PIBF1: variants seen among roughly 807,000 people sequenced by gnomAD.
PIBF1 encodes the protein progesterone immunomodulatory binding factor 1.
A neutral mutation model predicts 112.5 loss-of-function variants in PIBF1; 90 were observed. The ratio of observed to expected loss-of-function variants is 0.80; its 90% CI spans 0.67 to 0.95. The LOEUF (loss-of-function observed/expected upper bound fraction) is 0.95. Ranked by LOEUF, PIBF1 falls within the 40% of genes least tolerant of loss-of-function variation. The probability of loss-of-function intolerance (pLI) is 0.00; values close to 1 mark genes in which losing one functional copy is unlikely to be tolerated. For missense variants in PIBF1, 915 were observed against 852.3 expected (o/e 1.07, Z -0.92); for synonymous variants, 301 against 288.6 (o/e 1.04, Z -0.44).
rs2038677867 is a variant in PIBF1 at position 72,861,106 on chromosome 13, AC to A, written c.1322+6952del. On this transcript the variant is annotated intron_variant, in intron 10 of 17. Transcript: ENST00000326291. ...AATTCAAAATTAATTTTAATAGTGA[AC>A]TTTTTTCAGTTATGGTTTGTTTTAT... Among the ~76,000 whole-genome samples the A allele has an allele frequency of 2.6e-5, 4 of 152,194 alleles. No individual in the cohort carries two copies. The South Asian group carries it at 8.3e-4, about 32-fold the overall frequency.
chr13:72,971,644 T>C (rs559878966), intron 15 of PIBF1, among the ~76,000 whole-genome samples: 23 of 152,366 alleles, frequency 1.5e-4, no homozygotes, highest in African/African-American at 5.3e-4. Context: ...TATATAGTTT[T>C]ATGAGTTCAA....
At chr13:72,928,028 T>TAC (rs1381615718) in intron 13 of PIBF1, among the ~76,000 whole-genome samples, 52 of 58,854 alleles carry the variant, frequency 8.8e-4, no homozygotes, top group African/African-American at 2.6e-3. Context: ...TATATATACA[T>TAC]ATATATATAT....
chr13:72,783,292 CTGTTCTAGATTT>C, intron 1 of PIBF1, 119 bp from the exon 2 acceptor site: 1 of 500,760 alleles, frequency 2.0e-6, no homozygotes, highest in Non-Finnish European at 3.6e-6. Flanking sequence ...CTGCAATAAT[CTGTTCTAGATTT>C]GGGATGCACT....
Position 72,848,616 on chromosome 13 carries a change from C to T in PIBF1, c.1224-5441C>T, listed in dbSNP as rs1037197606. ...GTCCCAGCACTTTGGGAGGCCGAGGCGGGCGGATCACGAGGTCAGGAGATC... is the reference window on the plus strand; with the variant it reads ...GTCCCAGCACTTTGGGAGGCCGAGGTGGGCGGATCACGAGGTCAGGAGATC... On this transcript the variant is annotated intron_variant, in intron 9 of 17. Transcript: ENST00000326291. Among the ~76,000 whole-genome samples, 7 of 152,210 alleles carry T rather than the reference C, an allele frequency of 4.6e-5. 1 individual carries two copies. The South Asian group carries it at 6.2e-4, about 14-fold the overall frequency.
At chr13:73,013,185 C>T (rs2044260889) in intron 17 of PIBF1, among the ~76,000 whole-genome samples, 1 of 151,094 alleles carries the variant, frequency 6.6e-6, no homozygotes, top group Non-Finnish European at 1.5e-5. Context: ...CCTGTAGTCC[C>T]AGCTACTCGG....
At chr13:72,896,297 T>A (rs1370398022) in intron 11 of PIBF1, among the ~76,000 whole-genome samples, 1 of 152,118 alleles carries the variant, frequency 6.6e-6, no homozygotes, top group Admixed American at 6.6e-5. Context: ...CAAAAGAACC[T>A]GAACAACAGC....
intron 14 of PIBF1, among the ~76,000 whole-genome samples, chr13:72,949,632 T>C (rs1379985137): frequency 6.6e-6 from 1 of 152,236 alleles, no homozygotes; most frequent in East Asian, 1.9e-4. Context: ...ATAGCTTTCA[T>C]ACTTTTTTGA....
intron 17 of PIBF1, among the ~76,000 whole-genome samples, chr13:73,005,652 G>C (rs2044010816): frequency 6.6e-6 from 1 of 152,052 alleles, no homozygotes; most frequent in African/African-American, 2.4e-5. Context: ...AATATAATGA[G>C]TACAATTGGT....
At chr13:72,933,622 A>G (rs895228154) in intron 14 of PIBF1, among the ~76,000 whole-genome samples, 5 of 152,244 alleles carry the variant, frequency 3.3e-5, no homozygotes, top group African/African-American at 1.2e-4. Context: ...AGATCGTGCC[A>G]TCGTACTCCA....
At chr13:72,989,378 A>T (rs912557389) in intron 16 of PIBF1, among the ~76,000 whole-genome samples, 10 of 150,494 alleles carry the variant, frequency 6.6e-5, no homozygotes, top group Admixed American at 4.8e-4. Flanking sequence ...ATATCCATGC[A>T]GTGGAATATG....
chr13:72,931,938 C>CTTTTTTTTTTTTTTTTTTTTTTT (rs59274277), intron 14 of PIBF1, among the ~76,000 whole-genome samples: 1 of 100,836 alleles, frequency 9.9e-6, no homozygotes, highest in Non-Finnish European at 1.9e-5. Flanking sequence ...TTGTTTCTTT[C>CTTTTTTTTTTTTTTTTTTTTTTT]TTTTTTTTTT....
chr13:72,910,339 G>C (rs771521675), intron 12 of PIBF1, among the ~76,000 whole-genome samples: 4 of 152,012 alleles, frequency 2.6e-5, no homozygotes, highest in Non-Finnish European at 2.9e-5. Flanking sequence ...ATGACTTCAT[G>C]ATTAGACTCA....
intron 8 of PIBF1, among the ~76,000 whole-genome samples, chr13:72,834,941 G>T (rs2037289255): frequency 6.6e-6 from 1 of 152,044 alleles, no homozygotes; most frequent in African/African-American, 2.4e-5. Context: ...TCAACCATAT[G>T]CATTAAAACT....
intron 9 of PIBF1, among the ~76,000 whole-genome samples, chr13:72,845,594 G>A (rs2037834046): frequency 6.6e-6 from 1 of 152,126 alleles, no homozygotes; most frequent in Non-Finnish European, 1.5e-5. Context: ...TCGCTACACT[G>A]TCTTCCACAA....
chr13:72,929,998 C>T (rs1489406922), intron 13 of PIBF1, among the ~76,000 whole-genome samples: 3 of 151,878 alleles, frequency 2.0e-5, no homozygotes, highest in Non-Finnish European at 2.9e-5. Flanking sequence ...TAGCTGGAAC[C>T]ACAGGCATGC....
rs1345978443 is a variant in PIBF1 at position 72,795,527 on chromosome 13, A to G, written c.522A>G (p.Glu174=). 3 of 1,596,244 alleles carry G rather than the reference A, an allele frequency of 1.9e-6. 1 individual carries two copies. Among genetic ancestry groups the G allele is most frequent in the South Asian group, 2.3e-5 (2 of 87,730 alleles). Residue 174 remains glutamate (E), a synonymous_variant, in exon 4 of 18, where the codon GAA becomes GAG. Transcript: ENST00000326291. ...ATATTAAATTAAAAGCTTTTCCTGA[A>G]GATCAGCTTTCTATTCCTGAATATG... The part of the protein sequence containing the change: ...EQYIKLKAFP[E]DQLSIPEYVS...
chr13:72,926,310 T>A (rs1007814540), intron 13 of PIBF1, among the ~76,000 whole-genome samples: 11 of 152,234 alleles, frequency 7.2e-5, no homozygotes, highest in Admixed American at 2.0e-4. Context: ...ATAGATTATG[T>A]ACGCATGTGC....
intron 14 of PIBF1, among the ~76,000 whole-genome samples, chr13:72,941,118 A>G (rs750950267): frequency 1.3e-5 from 2 of 152,178 alleles, no homozygotes; most frequent in African/African-American, 4.8e-5. Context: ...TAGTCAATAA[A>G]CTAAGGCAGT....
At chr13:72,892,785 TACAC>T (rs113653296) in intron 10 of PIBF1, among the ~76,000 whole-genome samples, 61 of 140,794 alleles carry the variant, frequency 4.3e-4, no homozygotes, top group Middle Eastern at 3.5e-3. Flanking sequence ...CCTCCTGCCT[TACAC>T]ACACACACAC....
Sources: gnomAD v4.1 joint callset for allele counts (sites outside exome capture counted in the v4.1 genomes callset) on GRCh38, gnomAD v4.1.1 for gene constraint, MANE v1.5 for transcripts, NCBI Gene and HGNC (gene_info 2026-07-23, HGNC 2026-07-21) for gene names.